ADAMTS5: variants seen among roughly 807,000 people sequenced by gnomAD.
ADAMTS5 encodes the protein ADAM metallopeptidase with thrombospondin type 1 motif 5, also known as A disintegrin and metalloproteinase with thrombospondin motifs 5.
ADAMTS5 carries 54 observed loss-of-function variants against 81.4 expected under a neutral mutation model. The ratio of observed to expected loss-of-function variants is 0.66; its 90% confidence interval spans 0.53 to 0.83. The LOEUF is 0.83. Ranked by LOEUF, ADAMTS5 falls within the 40% of genes least tolerant of loss-of-function variation. The pLI is 0.00. For missense variants in ADAMTS5, 1,194 were observed against 1,229.9 expected, an observed-to-expected ratio of 0.97 and a Z score of 0.44; for synonymous variants, 532 against 508.8, an observed-to-expected ratio of 1.05 and a Z score of -0.61.
At chr21:26,947,993 T>C (rs556175940) in intron 2 of ADAMTS5, among the ~76,000 whole-genome samples, 25 of 152,344 alleles carry the variant, frequency 1.6e-4, no homozygotes, top group African/African-American at 5.8e-4. Context: ...AATCGTCACC[T>C]GATAACTTTT....
chr21:26,949,199 GGAGAGAGAGAGAGA>G (rs71183587), intron 2 of ADAMTS5, among the ~76,000 whole-genome samples: 4 of 138,524 alleles, frequency 2.9e-5, no homozygotes, highest in Non-Finnish European at 6.2e-5. Flanking sequence ...ATATATATAT[GGAGAGAGAGAGAGA>G]GAGAGAGAGA....
intron 4 of ADAMTS5, among the ~76,000 whole-genome samples, chr21:26,933,641 T>C (rs776980254): frequency 2.6e-5 from 4 of 152,196 alleles, no homozygotes; most frequent in Non-Finnish European, 5.9e-5. Context: ...GACACACCCC[T>C]TAGGGAAGGA....
chr21:26,932,459 C>T (rs538669864), intron 5 of ADAMTS5, among the ~76,000 whole-genome samples: 5 of 151,910 alleles, frequency 3.3e-5, no homozygotes, highest in South Asian at 2.1e-4. Context: ...TTTAGGGGGC[C>T]GAGGAGGGTG....
Position 26,965,365 on chromosome 21 carries a change from T to A in ADAMTS5, c.1027A>T (p.Lys343Ter), listed in dbSNP as rs1175301430. ...NAATTLKNFC[K>*]WQHQHNQLGD... The stretch of plus-strand genomic sequence containing the variant: ...AGCTGGTTGTGTTGGTGCTGCCACT[T>A]GCAAAAGTTCTTGAGTGTGGTGGCA... The change falls in exon 1 of 8, where the codon AAG (lysine) becomes TAG (stop). Residue 343 changes from lysine to a stop codon, truncating the protein, a stop_gained. Coordinates refer to ENST00000284987, the MANE Select transcript of ADAMTS5 (RefSeq NM_007038.5). LOFTEE classifies it high-confidence loss of function. The A allele has an allele frequency of 6.2e-7, 1 of 1,614,140 alleles. No homozygotes were observed. Among genetic ancestry groups the A allele is most frequent in the Non-Finnish European group, 8.5e-7 (1 of 1,180,050 alleles).
intron 3 of ADAMTS5, among the ~76,000 whole-genome samples, chr21:26,938,951 CATG>C (rs948156353): frequency 2.0e-5 from 3 of 152,168 alleles, no homozygotes; most frequent in Non-Finnish European, 4.4e-5. Flanking sequence ...CCCAAATATT[CATG>C]ATGCAGGAGA....
In ADAMTS5 at chr21:26,941,385, T is replaced by C. The variant is rs145880916; in HGVS notation, c.1405+1995A>G. ...ATGAGCCCTTTGGAACAGAAACAGA[T>C]ATAAAAATATGTAAATTTGTTATAA... On this transcript the variant is annotated intron_variant, in intron 3 of 7. Transcript: ENST00000284987. Among the ~76,000 whole-genome samples, 14 of 131,538 alleles carry C rather than the reference T, an allele frequency of 1.1e-4. No individual in the cohort carries two copies. In the South Asian group the frequency reaches 1.3e-3, roughly 12 times the overall value. 86.3% of individuals were successfully genotyped at this position (131,538 alleles called of 152,430 possible).
chr21:26,938,154 G>C (rs1403836374), intron 3 of ADAMTS5, among the ~76,000 whole-genome samples: 1 of 151,912 alleles, frequency 6.6e-6, no homozygotes, highest in Non-Finnish European at 1.5e-5. Context: ...TGAGGCAGGA[G>C]AATCGCTTGA....
chr21:26,937,795 T>G (rs932334904), intron 3 of ADAMTS5, among the ~76,000 whole-genome samples: 23 of 152,206 alleles, frequency 1.5e-4, no homozygotes, highest in African/African-American at 5.5e-4. Flanking sequence ...CTGTTTTAAT[T>G]TTATTCTCAA....
At chr21:26,949,947 G>T (rs779674789) in intron 2 of ADAMTS5, among the ~76,000 whole-genome samples, 1 of 152,162 alleles carries the variant, frequency 6.6e-6, no homozygotes, top group South Asian at 2.1e-4. Flanking sequence ...AAATATGGCC[G>T]TGTTTAATCT....
In ADAMTS5 at chr21:26,966,109, C is replaced by A. The variant is rs1451753138; in HGVS notation, c.283G>T (p.Gly95Cys). 5 of 1,612,666 alleles carry A rather than the reference C, an allele frequency of 3.1e-6. No individual in the cohort carries two copies. The Admixed American group carries it at 8.3e-5, about 27-fold the overall frequency. ...GKVGYLVYAG[G>C]RRFLLDLERD... ...TCCAGGTCCAAGAGGAACCTCCGGC[C>A]GCCCGCGTAGACGAGGTAGCCCACC... Residue 95 changes from glycine to cysteine, a missense_variant, in exon 1 of 8, where the codon GGC becomes TGC. Gly to Cys is a radical substitution (Grantham distance 159). Coordinates refer to ENST00000284987, the MANE Select transcript of ADAMTS5 (RefSeq NM_007038.5).
chr21:26,961,075 G>A (rs1336365253), intron 1 of ADAMTS5, among the ~76,000 whole-genome samples: 2 of 152,164 alleles, frequency 1.3e-5, no homozygotes, highest in East Asian at 1.9e-4. Flanking sequence ...CCTTGCCTAC[G>A]AGGAGCATAT....
chr21:26,930,443 A>T (rs1215508229), intron 6 of ADAMTS5, among the ~76,000 whole-genome samples: 1 of 152,208 alleles, frequency 6.6e-6, no homozygotes, highest in Non-Finnish European at 1.5e-5. Context: ...TGAGAATGCA[A>T]AGATCCTTCT....
At chr21:26,948,282 A>G (rs1987253248) in intron 2 of ADAMTS5, among the ~76,000 whole-genome samples, 1 of 152,124 alleles carries the variant, frequency 6.6e-6, no homozygotes, top group African/African-American at 2.4e-5. Context: ...TGTTTTTCTA[A>G]ACTTTGGTCT....
In ADAMTS5 at chr21:26,963,192, G is replaced by C. The variant is rs1987563239; in HGVS notation, c.1104+2096C>G. On this transcript the variant is annotated intron_variant, in intron 1 of 7. Coordinates refer to ENST00000284987, the MANE Select transcript of ADAMTS5 (RefSeq NM_007038.5). ...GAAAAATGCATGTCCTTATAATACT[G>C]ACAAAAATTAAGATGGACCATTAAT... 2.0e-5 allele frequency among the ~76,000 whole-genome samples: 3 copies of C among 151,672 alleles called. No individual in the cohort carries two copies. In the South Asian group the frequency reaches 6.2e-4, roughly 31 times the overall value.
rs767170883 is a variant in ADAMTS5, at chr21:26,924,628, T to G, written c.2226-8A>C. The stretch of plus-strand genomic sequence containing the variant: ...ACGTCAGTGTAACCCTTACTGGAAG[T>G]AGGAATGTTCACAGGAAGTGGGGGA... On this transcript the variant is annotated splice_region_variant and splice_polypyrimidine_tract_variant and intron_variant, in intron 7 of 7. Transcript: ENST00000284987. 9 of 1,593,928 alleles carry G rather than the reference T, an allele frequency of 5.6e-6. No homozygotes were observed. In the African/African-American group the frequency reaches 9.5e-5, roughly 17 times the overall value.
chr21:26,943,791 T>C (rs1987161058), intron 2 of ADAMTS5, among the ~76,000 whole-genome samples: 1 of 152,212 alleles, frequency 6.6e-6, no homozygotes, highest in Admixed American at 6.5e-5. Flanking sequence ...CCATAATTCA[T>C]CTGGATCACA....
chr21:26,930,492 T>C (rs1004822542), intron 6 of ADAMTS5, among the ~76,000 whole-genome samples: 9 of 152,204 alleles, frequency 5.9e-5, no homozygotes, highest in African/African-American at 2.2e-4. Context: ...AATTTGAAAA[T>C]CTAAACTTGA....
chr21:26,963,601 G>A (rs2123210454), intron 1 of ADAMTS5, among the ~76,000 whole-genome samples: 1 of 116,560 alleles, frequency 8.6e-6, no homozygotes. Context: ...CTCTTGTGAT[G>A]TAGCAGAGCA....
intron 3 of ADAMTS5, 91 bp downstream of exon 3, chr21:26,943,288 GC>G (rs1307736905): frequency 1.6e-6 from 2 of 1,239,108 alleles, no homozygotes; most frequent in Non-Finnish European, 2.2e-6. Flanking sequence ...GTCTTAGAGG[GC>G]AAGATGAATA....
Sources: allele counts gnomAD v4.1 joint callset (sites outside exome capture counted in the v4.1 genomes callset), GRCh38; gene constraint gnomAD v4.1.1; transcripts MANE v1.5; gene names NCBI Gene and HGNC (gene_info 2026-07-23, HGNC 2026-07-21).